The following CFAP44 variants were observed in gnomAD, a reference collection of about 807,000 sequenced individuals.
CFAP44 encodes the protein cilia- and flagella-associated protein 44.
CFAP44 carries 134 observed loss-of-function variants against 216.2 expected under a neutral mutation model. That is an observed-to-expected ratio of 0.62 (90% CI 0.54 to 0.72). The LOEUF (loss-of-function observed/expected upper bound fraction) is 0.72, where lower values mean the gene tolerates loss of function less well. Among genes scored for constraint, CFAP44 ranks in the 30% least tolerant of loss-of-function variants. The pLI is 0.00. For synonymous variants in CFAP44, 700 were observed against 727.6 expected, an observed-to-expected ratio of 0.96 and a Z score of 0.61; for missense variants, 2,035 against 2,182.1, an observed-to-expected ratio of 0.93 and a Z score of 1.34.
chr3:113,320,796 T>C (rs1198988058), intron 28 of CFAP44, among the ~76,000 whole-genome samples: 1 of 152,024 alleles, frequency 6.6e-6, no homozygotes, highest in East Asian at 1.9e-4. Flanking sequence ...GTCTAGTTTT[T>C]TCACATTTTT....
Position 113,330,650 on chromosome 3 carries a change from G to A in CFAP44, c.3634C>T (p.His1212Tyr), listed in dbSNP as rs1465897154. The A allele has an allele frequency of 6.5e-7, 1 of 1,532,260 alleles. No homozygotes were observed. The highest frequency in any genetic ancestry group is 1.2e-5 in the South Asian group (1 of 82,576). The allele number at this position is 1,532,260 out of a possible 1,614,324, so 94.9% of individuals were successfully genotyped here. A position where few individuals can be genotyped will look rare whatever the true frequency, so the allele number is the denominator to read the frequency against. Residue 1212 changes from histidine (H) to tyrosine (Y), a missense_variant, in exon 26 of 35, where the codon CAC becomes TAC. Around this residue, in one of 3 missense-constraint regions of CFAP44, gnomAD observed 1,883 missense variants for 2,023.7 expected, o/e 0.93. Transcript: ENST00000393845. The stretch of plus-strand genomic sequence containing the variant: ...AGAGAGAGAATGCACTTGTTCATGT[G>A]CCTTTTATTTCCATGGACCTGAAAA... ...LDSLVHGNKR[H>Y]MNKCILSLRD...
chr3:113,375,868 T>C (rs7629636), intron 17 of CFAP44, among the ~76,000 whole-genome samples: 5,606 of 151,094 alleles, frequency 0.037, 164 homozygotes, highest in African/African-American at 0.071. Context: ...TCTAAAAGAA[T>C]AGTAAAAGAA....
At chr3:113,345,418 T>C (rs1027543065) in intron 22 of CFAP44, among the ~76,000 whole-genome samples, 7 of 152,158 alleles carry the variant, frequency 4.6e-5, no homozygotes, top group Non-Finnish European at 8.8e-5. Context: ...TGTGTTTCCA[T>C]ACATGTGGCA....
At chr3:113,343,059 C>A (rs1489340322) in intron 23 of CFAP44, among the ~76,000 whole-genome samples, 1 of 106,780 alleles carries the variant, frequency 9.4e-6, no homozygotes, top group Non-Finnish European at 1.8e-5. Context: ...TTCTTTCTTT[C>A]TTTTTTTTTT....
rs573765027 is a variant in CFAP44 at position 113,429,976 on chromosome 3, C to G, written c.101-2637G>C. The stretch of plus-strand genomic sequence containing the variant: ...GATCTGAACATCACTATCAACCATC[C>G]TGACCTGACATTTATAAAACACTTA... On this transcript the variant is annotated intron_variant, in intron 2 of 34. Transcript: ENST00000393845. Among the ~76,000 whole-genome samples, 8 of 152,138 alleles carry G rather than the reference C, an allele frequency of 5.3e-5. No homozygotes were observed. In the South Asian group the frequency reaches 1.7e-3, roughly 32 times the overall value.
At chr3:113,395,038 G>A (rs1482177774) in intron 15 of CFAP44, among the ~76,000 whole-genome samples, 1 of 152,194 alleles carries the variant, frequency 6.6e-6, no homozygotes, top group Non-Finnish European at 1.5e-5. Flanking sequence ...GCATTTTGTA[G>A]ATAATACTAA....
At chr3:113,409,597 T>A (rs1465163384) in intron 6 of CFAP44, among the ~76,000 whole-genome samples, 1 of 152,086 alleles carries the variant, frequency 6.6e-6, no homozygotes, top group Admixed American at 6.5e-5. Context: ...CACAAACGCA[T>A]ATTAGATAGC....
chr3:113,307,078 G>A (rs57251392), intron 29 of CFAP44, among the ~76,000 whole-genome samples: 3,817 of 152,224 alleles, frequency 0.025, 59 homozygotes, highest in East Asian at 0.053. Context: ...CTACTGAACC[G>A]TTCATCTATT....
intron 21 of CFAP44, among the ~76,000 whole-genome samples, chr3:113,362,610 T>C (rs539550518): frequency 1.5e-4 from 23 of 152,296 alleles, no homozygotes; most frequent in South Asian, 2.1e-4. Context: ...GTAAGATCCA[T>C]AGTTAACGCT....
chr3:113,417,229 C>T (rs1385599042), intron 5 of CFAP44: 1 of 152,140 alleles, frequency 6.6e-6, no homozygotes, highest in Non-Finnish European at 1.5e-5. Flanking sequence ...GGTTACATCA[C>T]AATTTTTAAA....
chr3:113,384,198 G>C (rs146277401), intron 15 of CFAP44, among the ~76,000 whole-genome samples: 1 of 151,894 alleles, frequency 6.6e-6, no homozygotes, highest in East Asian at 1.9e-4. Context: ...AGGTGGGACT[G>C]CAGGTGCCCG....
At chr3:113,370,034 AAGTTGAATCTCTGAAT>A (rs1933098212) in intron 18 of CFAP44, among the ~76,000 whole-genome samples, 1 of 152,242 alleles carries the variant, frequency 6.6e-6, no homozygotes, top group South Asian at 2.1e-4. Context: ...AACCAGGAAG[AAGTTGAATCTCTGAAT>A]AGACCAATAA....
intron 28 of CFAP44, among the ~76,000 whole-genome samples, chr3:113,314,090 A>G (rs1353727654): frequency 2.0e-5 from 3 of 152,214 alleles, no homozygotes; most frequent in Non-Finnish European, 2.9e-5. Flanking sequence ...TGAAAGATCT[A>G]ATATTTATGC....
intron 22 of CFAP44, among the ~76,000 whole-genome samples, chr3:113,354,859 C>T (rs184928575): frequency 7.0e-4 from 107 of 152,316 alleles, no homozygotes; most frequent in African/African-American, 2.5e-3. Flanking sequence ...GCACCACCTC[C>T]TGGCTGGAGG....
chr3:113,315,017 T>G (rs1383901887), intron 28 of CFAP44, among the ~76,000 whole-genome samples: 1 of 151,818 alleles, frequency 6.6e-6, no homozygotes, highest in African/African-American at 2.4e-5. Context: ...CAGGAAAAAT[T>G]TTATAAAAGA....
chr3:113,399,982 T>G lies in CFAP44; in HGVS notation c.1493A>C (p.Asp498Ala), dbSNP rs1477779249. Residue 498 changes from aspartate to alanine, a missense_variant, in exon 13 of 35, where the codon GAT (aspartate) becomes GCT (alanine). This residue lies in a region of CFAP44 where 1,883 missense variants were observed against 2,023.7 expected (regional missense o/e 0.93). Coordinates refer to ENST00000393845, the MANE Select transcript of CFAP44 (RefSeq NM_001164496.2). ...TALDCSVRIY[D>A]FASKTPLAQM... ...GGCCAAAGGAGTTTTGCTAGCAAAA[T>G]CATAGATTCGAACAGAGCCTATAGA... The G allele has an allele frequency of 6.2e-7, 1 of 1,601,370 alleles. No homozygotes were observed. Among genetic ancestry groups the G allele is most frequent in the Non-Finnish European group, 8.5e-7 (1 of 1,174,930 alleles).
chr3:113,430,471 C>CTT (rs34732902), intron 2 of CFAP44, among the ~76,000 whole-genome samples: 30,510 of 140,516 alleles, frequency 0.22, 3,764 homozygotes, highest in East Asian at 0.49. Flanking sequence ...AAGCCAAAAT[C>CTT]AGTCTTTGAA....
intron 28 of CFAP44, among the ~76,000 whole-genome samples, chr3:113,309,809 T>G (rs1371075799): frequency 6.6e-6 from 1 of 152,202 alleles, no homozygotes; most frequent in African/African-American, 2.4e-5. Flanking sequence ...GGATATTCTT[T>G]TAGCCTCATC....
intron 11 of CFAP44, among the ~76,000 whole-genome samples, chr3:113,400,865 C>A (rs894932353): frequency 8.5e-5 from 13 of 152,126 alleles, no homozygotes; most frequent in African/African-American, 3.1e-4. Flanking sequence ...TTGCGCAAGT[C>A]ACCTCAAATG....
Sources: gnomAD v4.1 joint callset for allele counts (sites outside exome capture counted in the v4.1 genomes callset) on GRCh38, gnomAD v4.1.1 for gene constraint, gnomAD v4.1.1 regional missense constraint, MANE v1.5 for transcripts, NCBI Gene and HGNC (gene_info 2026-07-23, HGNC 2026-07-21) for gene names.